The following TMPRSS15 variants were observed in gnomAD, a reference collection of about 807,000 sequenced individuals.
TMPRSS15 encodes the protein transmembrane serine protease 15.
In TMPRSS15, 128 loss-of-function variants were observed where a neutral mutation model predicts 125.3. The ratio of observed to expected loss-of-function variants is 1.02; its 90% CI spans 0.89 to 1.18. The LOEUF (loss-of-function observed/expected upper bound fraction) is 1.18, where lower values mean the gene tolerates loss of function less well. Ranked by LOEUF, TMPRSS15 falls within the 50% of genes most tolerant of loss-of-function variation. TMPRSS15 has a pLI of 0.00. For missense variants in TMPRSS15, 1,283 were observed against 1,212.7 expected, an observed-to-expected ratio of 1.06 and a Z score of -0.86; for synonymous variants, 446 against 423.2, an observed-to-expected ratio of 1.05 and a Z score of -0.66.
chr21:18,306,727 GGTTA>G (rs2075043369), intron 18 of TMPRSS15, among the ~76,000 whole-genome samples: 2 of 151,340 alleles, frequency 1.3e-5, no homozygotes, highest in Non-Finnish European at 2.9e-5. Context: ...TTATATATTG[GGTTA>G]GTAACAGGGA....
chr21:18,482,298 C>T (rs1978995593), intron 1 of TMPRSS15, among the ~76,000 whole-genome samples: 1 of 151,378 alleles, frequency 6.6e-6, no homozygotes, highest in South Asian at 2.1e-4. Context: ...AATTTTTACA[C>T]TTCTAAAAAT....
intron 1 of TMPRSS15, among the ~76,000 whole-genome samples, chr21:18,478,578 C>T (rs1352377225): frequency 2.6e-5 from 4 of 152,010 alleles, no homozygotes; most frequent in African/African-American, 9.7e-5. Flanking sequence ...CCACAAACAT[C>T]CTCTGTTTCA....
At chr21:18,380,665 C>T in intron 4 of TMPRSS15, 1 of 444,896 alleles carries the variant, frequency 2.2e-6, no homozygotes, top group South Asian at 1.6e-5. Context: ...CTTGAATATT[C>T]ATTCAAAGGG....
At chr21:18,386,228 G>A (rs888825372) in intron 3 of TMPRSS15, among the ~76,000 whole-genome samples, 1 of 152,128 alleles carries the variant, frequency 6.6e-6, no homozygotes, top group Admixed American at 6.5e-5. Context: ...CTGAGGCTTA[G>A]AGTAATGTAG....
At chr21:18,461,066 T>C (rs1403163165) in intron 1 of TMPRSS15, among the ~76,000 whole-genome samples, 2 of 152,276 alleles carry the variant, frequency 1.3e-5, no homozygotes, top group East Asian at 3.9e-4. Flanking sequence ...TTGAAAAAAT[T>C]ACATTTGTCT....
intron 1 of TMPRSS15, among the ~76,000 whole-genome samples, chr21:18,461,736 A>G (rs1333702634): frequency 6.6e-6 from 1 of 152,068 alleles, no homozygotes; most frequent in Non-Finnish European, 1.5e-5. Flanking sequence ...CCTTTTAATT[A>G]TATAGTAAAA....
chr21:18,438,848 G>A (rs954279808), intron 1 of TMPRSS15, among the ~76,000 whole-genome samples: 1 of 152,146 alleles, frequency 6.6e-6, no homozygotes, highest in Non-Finnish European at 1.5e-5. Flanking sequence ...ATCAATTTAT[G>A]TAGATTTAAT....
chr21:18,312,167 A>G (rs1032706510), intron 18 of TMPRSS15, among the ~76,000 whole-genome samples: 4 of 152,224 alleles, frequency 2.6e-5, no homozygotes, highest in African/African-American at 9.6e-5. Context: ...ATGGTGGGTT[A>G]GAGTTGCCAG....
intron 1 of TMPRSS15, among the ~76,000 whole-genome samples, chr21:18,474,551 A>G (rs1978841739): frequency 6.6e-6 from 1 of 152,052 alleles, no homozygotes; most frequent in South Asian, 2.1e-4. Context: ...CGGCCTCCCA[A>G]AGTGCTGAGA....
intron 1 of TMPRSS15, among the ~76,000 whole-genome samples, chr21:18,452,546 G>A (rs1978357051): frequency 6.6e-6 from 1 of 152,188 alleles, no homozygotes; most frequent in Admixed American, 6.5e-5. Flanking sequence ...GGCACCTGTG[G>A]TCCCAGCTAC....
intron 7 of TMPRSS15, among the ~76,000 whole-genome samples, chr21:18,363,857 T>C (rs1203998636): frequency 1.3e-5 from 2 of 152,134 alleles, no homozygotes; most frequent in Admixed American, 1.3e-4. Flanking sequence ...TTTTAATTCA[T>C]AGTCTTATTT....
In TMPRSS15 at chr21:18,269,692, C is replaced by A; in HGVS notation, c.*277G>T. On this transcript the variant is annotated 3_prime_UTR_variant, in exon 25 of 25. Transcript: ENST00000284885. Reference sequence around the variant, plus strand: ...AACAACAGTAAGTAATAAAAATAATCATTAAGAATTTTAAAAATGAGATCT... The same window carrying A: ...AACAACAGTAAGTAATAAAAATAATAATTAAGAATTTTAAAAATGAGATCT... 5.7e-6 allele frequency: 2 copies of A among 352,806 alleles called. No individual in the cohort carries two copies. Among genetic ancestry groups the A allele is most frequent in the Non-Finnish European group, 5.3e-6 (1 of 190,120 alleles). The allele number at this position is 352,806 out of a possible 1,614,324, so 21.9% of individuals were successfully genotyped here.
intron 13 of TMPRSS15, among the ~76,000 whole-genome samples, chr21:18,340,347 C>G (rs2146983816): frequency 6.6e-6 from 1 of 152,280 alleles, no homozygotes; most frequent in African/African-American, 2.4e-5. Flanking sequence ...CTTTCAGACT[C>G]TTGGACCTAC....
At chr21:18,270,655 T>C (rs2074544125) in intron 24 of TMPRSS15, among the ~76,000 whole-genome samples, 1 of 152,146 alleles carries the variant, frequency 6.6e-6, no homozygotes, top group Non-Finnish European at 1.5e-5. Flanking sequence ...TCAACTGAAA[T>C]AAGGAAGTCT....
intron 5 of TMPRSS15, among the ~76,000 whole-genome samples, chr21:18,374,918 T>C (rs1164670002): frequency 2.6e-5 from 4 of 152,172 alleles, no homozygotes; most frequent in African/African-American, 9.7e-5. Flanking sequence ...AATGGGATGC[T>C]AAGGAATTGG....
chr21:18,386,911 C>T (rs1222621304), intron 3 of TMPRSS15, among the ~76,000 whole-genome samples: 1 of 152,168 alleles, frequency 6.6e-6, no homozygotes, highest in Admixed American at 6.5e-5. Flanking sequence ...TGGAATTTTG[C>T]TTCACTGAGT....
intron 1 of TMPRSS15, among the ~76,000 whole-genome samples, chr21:18,399,806 A>T (rs1464997283): frequency 2.0e-5 from 3 of 152,238 alleles, no homozygotes; most frequent in African/African-American, 7.2e-5. Context: ...AAAAAATGTT[A>T]AAAGTAGTAT....
At chr21:18,330,354 C>T (rs1263136188) in intron 14 of TMPRSS15, among the ~76,000 whole-genome samples, 2 of 152,178 alleles carry the variant, frequency 1.3e-5, no homozygotes, top group African/African-American at 4.8e-5. Flanking sequence ...TTTTTATCGC[C>T]ATTTTCCTGT....
chr21:18,279,105 A>T (rs1199392499), intron 22 of TMPRSS15, 46 bp from the exon 23 acceptor site: 1 of 1,003,008 alleles, frequency 1.0e-6, no homozygotes, highest in Admixed American at 1.8e-5. Context: ...AAGAAAAAGA[A>T]AGAACAGATT....
Sources: allele counts gnomAD v4.1 joint callset (sites outside exome capture counted in the v4.1 genomes callset), GRCh38; gene constraint gnomAD v4.1.1; transcripts MANE v1.5; gene names NCBI Gene and HGNC (gene_info 2026-07-23, HGNC 2026-07-21).